The following WNT3 variants were observed in gnomAD, a reference collection of about 807,000 sequenced individuals.
WNT3 encodes the protein Wnt family member 3.
Under a neutral mutation model 34.2 loss-of-function variants are expected in WNT3, and 7 were observed. The ratio of observed to expected loss-of-function variants is 0.20; its 90% confidence interval spans 0.12 to 0.38. WNT3 has a LOEUF of 0.38. WNT3 is among the 10% of genes least tolerant of loss of function. The pLI is 1.00. For missense variants in WNT3, 267 were observed against 499.8 expected, an observed-to-expected ratio of 0.53 and a Z score of 4.44; for synonymous variants, 212 against 211.5, an observed-to-expected ratio of 1.00 and a Z score of -0.02.
rs942445999 is a variant in WNT3, at chr17:46,818,630, G to C, written c.-33C>G. 2.6e-6 allele frequency: 4 copies of C among 1,562,390 alleles called. No homozygotes were observed. Among genetic ancestry groups the C allele is most frequent in the Non-Finnish European group, 3.5e-6 (4 of 1,149,794 alleles). Reference sequence around the variant, plus strand: ...GGCGCCGAGGAGGAAGTTTGCCCGCGACCATGAAGAGGGGGAGCGACGCCC... The same window carrying C: ...GGCGCCGAGGAGGAAGTTTGCCCGCCACCATGAAGAGGGGGAGCGACGCCC... On this transcript the variant is annotated 5_prime_UTR_variant, in exon 1 of 5. Coordinates refer to ENST00000225512, the MANE Select transcript of WNT3 (RefSeq NM_030753.5).
chr17:46,770,138 A>G, intron 2 of WNT3, 90 bp from the exon 3 acceptor site: 1 of 1,446,030 alleles, frequency 6.9e-7, no homozygotes. Context: ...CGTGAGGGGA[A>G]CGAGGCCAGG....
Position 46,818,508 on chromosome 17 carries a change from C to A in WNT3, c.80+10G>T. The A allele has an allele frequency of 6.2e-7, 1 of 1,602,822 alleles. No individual in the cohort carries two copies. The highest frequency in any genetic ancestry group is 8.5e-7 in the Non-Finnish European group (1 of 1,175,978). On this transcript the variant is annotated intron_variant, in intron 1 of 4. Transcript: ENST00000225512. Reference sequence around the variant, plus strand: ...AACCGGGCCGCGGGCAGACAAGAGGCGAGTCTTACCACCAAATTGGGTAGC... The same window carrying A: ...AACCGGGCCGCGGGCAGACAAGAGGAGAGTCTTACCACCAAATTGGGTAGC...
intron 1 of WNT3, among the ~76,000 whole-genome samples, chr17:46,800,578 A>G (rs748112171): frequency 4.6e-5 from 7 of 152,252 alleles, no homozygotes; most frequent in African/African-American, 1.2e-4. Context: ...ACAGGAAAAT[A>G]CACAACAAGT....
chr17:46,779,103 A>ACACACACACACACACACACCC (rs749719578), intron 1 of WNT3, among the ~76,000 whole-genome samples: 2 of 133,590 alleles, frequency 1.5e-5, no homozygotes, highest in Admixed American at 7.8e-5. Flanking sequence ...ACACACACAC[A>ACACACACACACACACACACCC]CCCCAGCCCA....
At chr17:46,773,503 C>G (rs1425160196) in intron 2 of WNT3, among the ~76,000 whole-genome samples, 165 bp downstream of exon 2, 1 of 152,106 alleles carries the variant, frequency 6.6e-6, no homozygotes, top group African/African-American at 2.4e-5. Flanking sequence ...GGCCCAGCCC[C>G]CAGCAGCGCC....
intron 1 of WNT3, among the ~76,000 whole-genome samples, chr17:46,790,954 C>T (rs990785134): frequency 6.6e-6 from 1 of 152,236 alleles, no homozygotes; most frequent in South Asian, 2.1e-4. Context: ...AACCCCCTGC[C>T]CAGGCCTGAC....
chr17:46,796,967 C>T (rs1406385415), intron 1 of WNT3, among the ~76,000 whole-genome samples: 1 of 152,156 alleles, frequency 6.6e-6, no homozygotes, highest in African/African-American at 2.4e-5. Flanking sequence ...ACCAAACTGA[C>T]TGAAATAGGC....
intron 1 of WNT3, among the ~76,000 whole-genome samples, chr17:46,787,573 G>A (rs1008906124): frequency 1.3e-5 from 2 of 152,174 alleles, no homozygotes; most frequent in Non-Finnish European, 2.9e-5. Flanking sequence ...CTCATAGCAC[G>A]CAGATCGTTC....
intron 1 of WNT3, among the ~76,000 whole-genome samples, chr17:46,815,169 C>T (rs1478924261): frequency 5.3e-5 from 8 of 152,140 alleles, no homozygotes; most frequent in African/African-American, 1.7e-4. Context: ...TTCATCCCCC[C>T]ACCCCAGCGC....
chr17:46,812,334 CT>C (rs1310471200), intron 1 of WNT3, among the ~76,000 whole-genome samples: 4 of 152,120 alleles, frequency 2.6e-5, no homozygotes, highest in Admixed American at 6.5e-5. Flanking sequence ...CTCCACCCCC[CT>C]ACCCCCGCCC....
At chr17:46,779,381 C>G (rs966797080) in intron 1 of WNT3, among the ~76,000 whole-genome samples, 16 of 152,278 alleles carry the variant, frequency 1.1e-4, no homozygotes, top group African/African-American at 3.8e-4. Flanking sequence ...AGGACCCTGC[C>G]AGGCCTTCGC....
rs2059286979 is a variant in WNT3, at chr17:46,763,644, T to G, written c.*986A>C. 1 of 152,094 alleles carries G rather than the reference T, an allele frequency of 6.6e-6. No homozygotes were observed. The highest frequency in any genetic ancestry group is 1.5e-5 in the Non-Finnish European group (1 of 68,018). 9.4% of individuals were successfully genotyped at this position (152,094 alleles called of 1,614,324 possible). ...CTCCCTCACGGACCCTTTGTCTAAC[T>G]TATACTAAGGTGACCTGGAGTCCAA... On this transcript the variant is annotated 3_prime_UTR_variant, in exon 5 of 5. Transcript: ENST00000225512.
At chr17:46,774,037 T>C (rs1288763332) in intron 1 of WNT3, 128 bp from the exon 2 acceptor site, 3 of 1,366,444 alleles carry the variant, frequency 2.2e-6, no homozygotes, top group African/African-American at 2.9e-5. Flanking sequence ...GGCACCTGAA[T>C]GTGCTACCTT....
chr17:46,784,806 C>T (rs1376143518), intron 1 of WNT3, among the ~76,000 whole-genome samples: 4 of 149,342 alleles, frequency 2.7e-5, no homozygotes, highest in African/African-American at 7.4e-5. Flanking sequence ...GATGGAGTCT[C>T]GCTCTGTCGC....
intron 1 of WNT3, among the ~76,000 whole-genome samples, chr17:46,786,468 G>A (rs1037987775): frequency 6.6e-6 from 1 of 152,232 alleles, no homozygotes; most frequent in African/African-American, 2.4e-5. Context: ...GTAAAAGGCA[G>A]GGACCTCACT....
At position 46,793,108 on chromosome 17, in the gene WNT3, TAA is replaced by T. The variant is rs373445053; in HGVS notation, c.81-19201_81-19200del. On this transcript the variant is annotated intron_variant, in intron 1 of 4. Transcript: ENST00000225512. Reference sequence around the variant, plus strand: ...AGCAAGACCTTGTTTCTACTAAAATTAAAAAAAAAAAAAAAATTAGCTGGGCA... The same window carrying T: ...AGCAAGACCTTGTTTCTACTAAAATTAAAAAAAAAAAAAATTAGCTGGGCA... Among the ~76,000 whole-genome samples the T allele has an allele frequency of 6.2e-3, 869 of 140,052 alleles. 1 individual carries two copies. The highest frequency in any genetic ancestry group is 0.014 in the Middle Eastern group (4 of 284). The allele number at this position is 140,052 out of a possible 152,430, so 91.9% of individuals were successfully genotyped here. A position where few individuals can be genotyped will look rare whatever the true frequency, so the allele number is the denominator to read the frequency against.
At position 46,768,077 on chromosome 17, in the gene WNT3, C is replaced by G. The variant is rs1304113667; in HGVS notation, c.*8+235G>C. 6.6e-6 allele frequency among the ~76,000 whole-genome samples: 1 copy of G among 152,198 alleles called. No homozygotes were observed. Among genetic ancestry groups the G allele is most frequent in the Non-Finnish European group, 1.5e-5 (1 of 68,038 alleles). On this transcript the variant is annotated intron_variant, in intron 4 of 4. Coordinates refer to ENST00000225512, the MANE Select transcript of WNT3 (RefSeq NM_030753.5). The surrounding 1 kb of genome is among the most constrained non-coding windows in gnomAD (Gnocchi z 5.0). Reference sequence around the variant, plus strand: ...TGCTGGGATTACAGGCGTGAGCCACCGCACCCGGCCAACACTGGGTTTTTA... The same window carrying G: ...TGCTGGGATTACAGGCGTGAGCCACGGCACCCGGCCAACACTGGGTTTTTA...
At chr17:46,771,803 G>C (rs2059374709) in intron 2 of WNT3, among the ~76,000 whole-genome samples, 1 of 142,236 alleles carries the variant, frequency 7.0e-6, no homozygotes, top group South Asian at 2.1e-4. Flanking sequence ...GCCAGAGGGC[G>C]TGTGAATGGC....
chr17:46,783,461 T>G (rs1050506962), intron 1 of WNT3, among the ~76,000 whole-genome samples: 2 of 152,182 alleles, frequency 1.3e-5, no homozygotes, highest in Non-Finnish European at 2.9e-5. Flanking sequence ...ACGTGGAGAT[T>G]AATGAAGCCA....
Sources: gnomAD v4.1 joint callset for allele counts (sites outside exome capture counted in the v4.1 genomes callset) on GRCh38, gnomAD v4.1.1 for gene constraint, Gnocchi (gnomAD v3.1) non-coding constraint, MANE v1.5 for transcripts, NCBI Gene and HGNC (gene_info 2026-07-23, HGNC 2026-07-21) for gene names.